ANKS1B: variants seen among roughly 807,000 people sequenced by gnomAD.
The protein encoded by ANKS1B is ankyrin repeat and sterile alpha motif domain containing 1B, also known as ankyrin repeat and sterile alpha motif domain-containing protein 1B.
Under a neutral mutation model 148.3 loss-of-function variants are expected in ANKS1B, and 36 were observed. The observed-to-expected ratio is 0.24, with a 90% CI of 0.19 to 0.32. The LOEUF is 0.32. Ranked by LOEUF, ANKS1B falls within the 10% of genes least tolerant of loss-of-function variation. The probability of loss-of-function intolerance (pLI) is 1.00; values close to 1 mark genes in which losing one functional copy is unlikely to be tolerated. For synonymous variants in ANKS1B, 542 were observed against 560.8 expected (o/e 0.97, Z 0.47); for missense variants, 1,157 against 1,542.6 (o/e 0.75, Z 4.19).
chr12:98,807,774 G>A (rs1438490060), intron 20 of ANKS1B, 70 bp downstream of exon 20: 1 of 1,377,744 alleles, frequency 7.3e-7, no homozygotes, highest in Non-Finnish European at 1.0e-6. Context: ...ACCTATAGCT[G>A]TTGACAACAC....
intron 3 of ANKS1B, among the ~76,000 whole-genome samples, chr12:99,809,968 T>C (rs1023015318): frequency 6.6e-6 from 1 of 151,996 alleles, no homozygotes; most frequent in Non-Finnish European, 1.5e-5. Flanking sequence ...TCCATATATA[T>C]AGTAGCAACA....
Position 98,770,522 on chromosome 12 carries a change from G to A in ANKS1B, c.3579+2520C>T, listed in dbSNP as rs368004921. ...AAACAAACGCTTCCTGAGATATTTAGAGCAGTCTCGCAGGGCTTTGCTTTG... is the reference window on the plus strand; with the variant it reads ...AAACAAACGCTTCCTGAGATATTTAAAGCAGTCTCGCAGGGCTTTGCTTTG... On this transcript the variant is annotated intron_variant, in intron 25 of 26. Transcript: ENST00000683438. 4.6e-5 allele frequency among the ~76,000 whole-genome samples: 7 copies of A among 152,194 alleles called. 2 individuals carry two copies. Among genetic ancestry groups the A allele is most frequent in the Admixed American group, 6.5e-5 (1 of 15,284 alleles).
intron 17 of ANKS1B, among the ~76,000 whole-genome samples, chr12:98,967,409 C>T (rs749633849): frequency 5.3e-5 from 8 of 151,900 alleles, no homozygotes; most frequent in Non-Finnish European, 1.0e-4. Flanking sequence ...CTAAGGCCCT[C>T]GATGAGGTAC....
Position 99,159,652 on chromosome 12 carries a change from C to T in ANKS1B, c.2420-5257G>A, listed in dbSNP as rs117974979. Among the ~76,000 whole-genome samples, 122 of 152,220 alleles carry T rather than the reference C, an allele frequency of 8.0e-4. No homozygotes were observed. The East Asian group carries it at 0.021, about 26-fold the overall frequency. On this transcript the variant is annotated intron_variant, in intron 14 of 26. Transcript: ENST00000683438. Reference sequence around the variant, plus strand: ...CCATTGATGAGTACTCAGGTTGATGCCGTGTCTTTGTTATTGTGAATAGTG... The same window carrying T: ...CCATTGATGAGTACTCAGGTTGATGTCGTGTCTTTGTTATTGTGAATAGTG...
intron 16 of ANKS1B, among the ~76,000 whole-genome samples, chr12:99,081,437 G>A (rs1037764148): frequency 3.9e-5 from 6 of 152,096 alleles, no homozygotes; most frequent in African/African-American, 1.4e-4. Context: ...TCCGTTTTCT[G>A]GCAGTGCAAA....
At chr12:99,160,363 G>C (rs2076523910) in intron 14 of ANKS1B, among the ~76,000 whole-genome samples, 1 of 151,118 alleles carries the variant, frequency 6.6e-6, no homozygotes. Flanking sequence ...TTTTGAGATG[G>C]AGTCTTGCTC....
At chr12:99,627,006 C>A (rs1465186290) in intron 9 of ANKS1B, among the ~76,000 whole-genome samples, 1 of 152,164 alleles carries the variant, frequency 6.6e-6, no homozygotes, top group African/African-American at 2.4e-5. Flanking sequence ...TTTTCTCTCA[C>A]AAATTCCCTT....
Position 99,508,537 on chromosome 12 carries a change from T to C in ANKS1B, c.1273-3896A>G, listed in dbSNP as rs1434541250. 3.3e-5 allele frequency among the ~76,000 whole-genome samples: 5 copies of C among 151,440 alleles called. No individual in the cohort carries two copies. In the East Asian group the frequency reaches 9.7e-4, roughly 29 times the overall value. ...TATAAGTATAGTATTATATAAAATATTTCCTAATCTGTTATTTACCTCTAA... is the reference window on the plus strand; with the variant it reads ...TATAAGTATAGTATTATATAAAATACTTCCTAATCTGTTATTTACCTCTAA... On this transcript the variant is annotated intron_variant, in intron 9 of 26. Transcript: ENST00000683438.
chr12:99,208,982 G>T (rs1040430883), intron 14 of ANKS1B, among the ~76,000 whole-genome samples: 1 of 151,986 alleles, frequency 6.6e-6, no homozygotes, highest in African/African-American at 2.4e-5. Flanking sequence ...ATGGCAATAT[G>T]GTTATTTGCA....
intron 11 of ANKS1B, among the ~76,000 whole-genome samples, chr12:99,400,650 T>C (rs938768153): frequency 6.9e-6 from 1 of 144,948 alleles, no homozygotes; most frequent in African/African-American, 2.6e-5. Flanking sequence ...TGTGTGTTTT[T>C]CCCAGGATTC....
chr12:98,903,650 T>C (rs1193889863), intron 17 of ANKS1B, among the ~76,000 whole-genome samples: 1 of 152,252 alleles, frequency 6.6e-6, no homozygotes, highest in Non-Finnish European at 1.5e-5. Flanking sequence ...ACCTTTGGAC[T>C]TTATCTCTTA....
chr12:98,809,019 G>A (rs1187954775), intron 19 of ANKS1B, among the ~76,000 whole-genome samples: 3 of 152,110 alleles, frequency 2.0e-5, no homozygotes, highest in African/African-American at 7.2e-5. Flanking sequence ...CCTCACCCCA[G>A]AAACGCTCAC....
At chr12:99,344,531 C>G (rs1001362369) in intron 12 of ANKS1B, among the ~76,000 whole-genome samples, 2 of 151,974 alleles carry the variant, frequency 1.3e-5, no homozygotes, top group Admixed American at 6.6e-5. Flanking sequence ...CAGGTTCTGA[C>G]AAAGAAGAAC....
At chr12:99,475,628 T>C (rs2152920101) in intron 10 of ANKS1B, among the ~76,000 whole-genome samples, 1 of 151,888 alleles carries the variant, frequency 6.6e-6, no homozygotes, top group East Asian at 1.9e-4. Flanking sequence ...GATGTAGTTC[T>C]TTTGAAATTG....
intron 17 of ANKS1B, among the ~76,000 whole-genome samples, chr12:98,988,279 C>T (rs2099924593): frequency 6.6e-6 from 1 of 152,064 alleles, no homozygotes; most frequent in East Asian, 1.9e-4. Flanking sequence ...TCACCTTATC[C>T]CCTAGTAATC....
chr12:99,579,462 C>T (rs975176709), intron 9 of ANKS1B, among the ~76,000 whole-genome samples: 4 of 151,964 alleles, frequency 2.6e-5, no homozygotes, highest in Non-Finnish European at 5.9e-5. Flanking sequence ...CCATCAAAGG[C>T]CTAATAGCTA....
chr12:99,652,388 G>A (rs1414603314), intron 9 of ANKS1B, among the ~76,000 whole-genome samples: 3 of 151,840 alleles, frequency 2.0e-5, no homozygotes, highest in Admixed American at 2.0e-4. Flanking sequence ...CAGGAGAATC[G>A]CTTGAACCAG....
At chr12:98,867,572 G>C (rs1201534302) in intron 17 of ANKS1B, among the ~76,000 whole-genome samples, 1 of 152,180 alleles carries the variant, frequency 6.6e-6, no homozygotes, top group Non-Finnish European at 1.5e-5. Context: ...TAGAATGTAA[G>C]TCAGTTTGTC....
intron 10 of ANKS1B, among the ~76,000 whole-genome samples, chr12:99,477,027 C>T (rs985404517): frequency 2.0e-5 from 3 of 152,092 alleles, no homozygotes; most frequent in Non-Finnish European, 4.4e-5. Flanking sequence ...CTCCACGGAA[C>T]ACAAAGTGCT....
Sources: allele counts gnomAD v4.1 joint callset (sites outside exome capture counted in the v4.1 genomes callset), GRCh38; gene constraint gnomAD v4.1.1; transcripts MANE v1.5; gene names NCBI Gene and HGNC (gene_info 2026-07-23, HGNC 2026-07-21).